FBN2: variants seen among roughly 807,000 people sequenced by gnomAD.
FBN2 encodes fibrillin 2.
Under a neutral mutation model 355.6 loss-of-function variants are expected in FBN2, and 105 were observed. The observed-to-expected ratio is 0.30, with a 90% confidence interval of 0.25 to 0.35. The LOEUF (loss-of-function observed/expected upper bound fraction) is 0.35, where lower values mean the gene tolerates loss of function less well. FBN2 is among the 10% of genes least tolerant of loss of function. The pLI is 1.00. For missense variants in FBN2, 3,280 were observed against 3,758.7 expected (o/e 0.87, Z 3.33); for synonymous variants, 1,350 against 1,301.2 (o/e 1.04, Z -0.81).
chr5:128,484,077 G>A (rs1755267543), intron 5 of FBN2, among the ~76,000 whole-genome samples: 2 of 152,146 alleles, frequency 1.3e-5, no homozygotes, highest in Non-Finnish European at 2.9e-5. Flanking sequence ...ATTTAATGCA[G>A]AATTCCCTTC....
intron 20 of FBN2, among the ~76,000 whole-genome samples, chr5:128,354,064 T>G (rs1283857485): frequency 6.6e-6 from 1 of 152,310 alleles, no homozygotes; most frequent in Non-Finnish European, 1.5e-5. Context: ...ACAACTGAGA[T>G]ACAGATGTAG....
intron 4 of FBN2, among the ~76,000 whole-genome samples, chr5:128,520,493 G>T (rs1756402391): frequency 1.3e-5 from 2 of 151,992 alleles, no homozygotes; most frequent in South Asian, 4.2e-4. Context: ...GGGAAGTGGG[G>T]GGCCAAACAC....
rs768762548 is a variant in FBN2, at chr5:128,307,410, T to C, written c.5354-207A>G. On this transcript the variant is annotated intron_variant, in intron 41 of 64. Transcript: ENST00000262464. ...CCATTATTATCATTGTTATTTCTAT[T>C]ACTCTCATTAACTTTTTACTGCTCT... Among the ~76,000 whole-genome samples the C allele has an allele frequency of 4.3e-4, 66 of 152,268 alleles. 1 individual carries two copies. Among genetic ancestry groups the C allele is most frequent in the Non-Finnish European group, 8.4e-4 (57 of 67,984 alleles).
At chr5:128,523,037 C>T (rs548956947) in intron 4 of FBN2, among the ~76,000 whole-genome samples, 1 of 152,110 alleles carries the variant, frequency 6.6e-6, no homozygotes, top group African/African-American at 2.4e-5. Flanking sequence ...ATTTAGAGGA[C>T]ATTTTTATTC....
At chr5:128,396,422 G>A (rs1752652373) in intron 8 of FBN2, among the ~76,000 whole-genome samples, 1 of 152,170 alleles carries the variant, frequency 6.6e-6, no homozygotes, top group Admixed American at 6.5e-5. Flanking sequence ...AAAACTGACT[G>A]TGCCAAACTA....
intron 6 of FBN2, among the ~76,000 whole-genome samples, chr5:128,462,756 C>T (rs1250636891): frequency 6.6e-6 from 1 of 152,092 alleles, no homozygotes; most frequent in African/African-American, 2.4e-5. Context: ...AAATACAGAA[C>T]ATGAGAAAAG....
chr5:128,468,997 G>A (rs1754785374), intron 5 of FBN2, among the ~76,000 whole-genome samples: 1 of 151,956 alleles, frequency 6.6e-6, no homozygotes, highest in Non-Finnish European at 1.5e-5. Context: ...TCTCTTAATT[G>A]TATAACTTGG....
At position 128,349,944 on chromosome 5, in the gene FBN2, G is replaced by T; in HGVS notation, c.2863+11C>A. ...AGATGTATAGTATCTTCCAAGGAAG[G>T]ATACACTCACCTTCACACGTAACAC... is the stretch of plus-strand genomic sequence containing the variant. On this transcript the variant is annotated intron_variant, in intron 22 of 64. Transcript: ENST00000262464. 6.2e-7 allele frequency: 1 copy of T among 1,605,078 alleles called. No homozygotes were observed. Among genetic ancestry groups the T allele is most frequent in the Non-Finnish European group, 8.5e-7 (1 of 1,171,650 alleles).
rs1476723489 is a variant in FBN2, at chr5:128,309,992, T to C, written c.5191A>G (p.Asn1731Asp). Reference protein sequence around the residue: ...PEYMQVNGGHNCMDMRKSFCY... With the variant: ...PEYMQVNGGHDCMDMRKSFCY... ...AGAGTTCTTTACCTACCCATGCAGT[T>C]GTGGCCTCCATTGACCTGCATGTAC... The change falls in exon 40 of 65, where the codon AAC (asparagine) becomes GAC (aspartate). Residue 1731 changes from asparagine (N) to aspartate (D), a missense_variant. This residue lies in a region of FBN2 where 2,284 missense variants were observed against 2,749.5 expected (regional missense o/e 0.83). Transcript: ENST00000262464. 1.5e-5 allele frequency: 25 copies of C among 1,613,850 alleles called. No individual in the cohort carries two copies. Among genetic ancestry groups the C allele is most frequent in the Non-Finnish European group, 2.1e-5 (25 of 1,179,888 alleles).
intron 8 of FBN2, among the ~76,000 whole-genome samples, chr5:128,406,644 G>C (rs528518712): frequency 6.6e-6 from 1 of 152,230 alleles, no homozygotes; most frequent in South Asian, 2.1e-4. Flanking sequence ...TAGTGGGTGC[G>C]GAGCCTATAC....
At chr5:128,344,350 A>G in intron 25 of FBN2, 35 bp downstream of exon 25, 1 of 1,611,884 alleles carries the variant, frequency 6.2e-7, no homozygotes, top group Non-Finnish European at 8.5e-7. Flanking sequence ...AAAGACAGCC[A>G]GAGTTTATCA....
chr5:128,425,151 C>T (rs1056345196), intron 7 of FBN2, among the ~76,000 whole-genome samples: 1 of 151,712 alleles, frequency 6.6e-6, no homozygotes, highest in Non-Finnish European at 1.5e-5. Context: ...AAAACATAGA[C>T]CTTTAAGACA....
chr5:128,300,676 A>T (rs1232227050), intron 48 of FBN2, 141 bp downstream of exon 48: 3 of 859,956 alleles, frequency 3.5e-6, no homozygotes, highest in Non-Finnish European at 5.8e-6. Context: ...ATGGTTCAGT[A>T]AAACAGATGT....
At chr5:128,414,534 T>C (rs1408242550) in intron 7 of FBN2, among the ~76,000 whole-genome samples, 2 of 152,202 alleles carry the variant, frequency 1.3e-5, no homozygotes, top group African/African-American at 4.8e-5. Flanking sequence ...AGTCAATGAA[T>C]ACTTGGGTTA....
intron 7 of FBN2, among the ~76,000 whole-genome samples, chr5:128,426,881 T>C (rs1437162280): frequency 6.6e-6 from 1 of 152,210 alleles, no homozygotes; most frequent in African/African-American, 2.4e-5. Flanking sequence ...GTCTCCTTTG[T>C]TGGTGCTTTC....
At chr5:128,350,070 GAAGAA>G in intron 21 of FBN2, 65 bp from the exon 22 acceptor site, 1 of 1,317,266 alleles carries the variant, frequency 7.6e-7, no homozygotes, top group Non-Finnish European at 1.1e-6. Context: ...GTATGCTCAA[GAAGAA>G]GTATAATGAA....
Position 128,351,040 on chromosome 5 carries a change from C to A in FBN2, c.2675-35G>T, listed in dbSNP as rs746399435. ...AACAGGAAAGGTTGGGGAGCTCTTA[C>A]CTCTGAAGAAAATAGAATTCAGCTG... On this transcript the variant is annotated intron_variant, in intron 20 of 64. Coordinates refer to ENST00000262464, the MANE Select transcript of FBN2 (RefSeq NM_001999.4). The A allele has an allele frequency of 1.9e-6, 3 of 1,613,540 alleles. No individual in the cohort carries two copies. In the South Asian group the frequency reaches 3.3e-5, roughly 18 times the overall value.
At chr5:128,536,592 C>T in intron 1 of FBN2, 108 bp from the exon 2 acceptor site, 5 of 792,098 alleles carry the variant, frequency 6.3e-6, no homozygotes, top group South Asian at 5.8e-5. Flanking sequence ...GGACAACAAA[C>T]AAATCAAAAT....
In FBN2 at chr5:128,519,277, T is replaced by A. The variant is rs1756366478; in HGVS notation, c.624A>T (p.Glu208Asp). The change falls in exon 5 of 65, where the codon GAA (glutamate) becomes GAT (aspartate). Residue 208 changes from glutamate to aspartate, a missense_variant. Transcript: ENST00000262464. ...CVYGFTGPQC[E>D]RDYRTGPCFT... ...AAGTCTCATTTCTCTTCTTACCTCT[T>A]TCACACTGTGGACCAGTGAACCCAT... 1 of 1,609,622 alleles carries A rather than the reference T, an allele frequency of 6.2e-7. No homozygotes were observed. Among genetic ancestry groups the A allele is most frequent in the Admixed American group, 1.7e-5 (1 of 59,904 alleles).
Sources: gnomAD v4.1 joint callset for allele counts (sites outside exome capture counted in the v4.1 genomes callset) on GRCh38, gnomAD v4.1.1 for gene constraint, gnomAD v4.1.1 regional missense constraint, MANE v1.5 for transcripts, NCBI Gene and HGNC (gene_info 2026-07-23, HGNC 2026-07-21) for gene names.